Variants in SMYD3 observed in about 807,000 individuals in gnomAD.
SMYD3 encodes SET and MYND domain containing 3, also known as histone-lysine N-methyltransferase SMYD3.
SMYD3 carries 36 observed loss-of-function variants against 57.7 expected under a neutral mutation model. The observed-to-expected ratio is 0.62, with a 90% confidence interval of 0.48 to 0.82. The LOEUF (loss-of-function observed/expected upper bound fraction) is 0.82, where lower values mean the gene tolerates loss of function less well. SMYD3 is among the 40% of genes least tolerant of loss of function. The pLI, the probability that SMYD3 is intolerant of heterozygous loss-of-function variation, is 0.00. For missense variants in SMYD3, 515 were observed against 538.8 expected (o/e 0.96, Z 0.44); for synonymous variants, 211 against 195.0 (o/e 1.08, Z -0.68).
intron 5 of SMYD3, among the ~76,000 whole-genome samples, chr1:246,061,236 A>C (rs1030118897): frequency 2.0e-5 from 3 of 152,108 alleles, no homozygotes; most frequent in Middle Eastern, 3.2e-3. Flanking sequence ...CACACACACA[A>C]AAAAGAAATG....
intron 1 of SMYD3, among the ~76,000 whole-genome samples, chr1:246,479,761 G>C (rs888751472): frequency 2.0e-5 from 3 of 152,052 alleles, no homozygotes; most frequent in Non-Finnish European, 4.4e-5. Context: ...TCCCACCTCA[G>C]CCTCCCAAAA....
intron 10 of SMYD3, among the ~76,000 whole-genome samples, chr1:245,834,605 G>A (rs1266604350): frequency 6.6e-6 from 1 of 152,142 alleles, no homozygotes; most frequent in Admixed American, 6.5e-5. Flanking sequence ...TGAAAATTTA[G>A]GAAGCAAATT....
At chr1:245,797,087 A>C (rs2047556139) in intron 10 of SMYD3, among the ~76,000 whole-genome samples, 1 of 152,210 alleles carries the variant, frequency 6.6e-6, no homozygotes, top group Admixed American at 6.5e-5. Flanking sequence ...TAGTTACTAC[A>C]AGGCACTTTC....
chr1:245,911,498 T>TATATAA (rs1211462941), intron 8 of SMYD3, among the ~76,000 whole-genome samples: 2 of 150,278 alleles, frequency 1.3e-5, no homozygotes, highest in African/African-American at 4.9e-5. Context: ...AAAAATGCCA[T>TATATAA]ATATATATAT....
At chr1:246,047,928 A>T (rs10802323) in intron 5 of SMYD3, among the ~76,000 whole-genome samples, 68,258 of 151,932 alleles carry the variant, frequency 0.45, 16,609 homozygotes, top group East Asian at 0.79. Context: ...GGCATTTTTT[A>T]AAAAAACCTA....
At position 245,774,289 on chromosome 1, in the gene SMYD3, G is replaced by A. The variant is rs145566866; in HGVS notation, c.1077-10140C>T. Among the ~76,000 whole-genome samples, 1,184 of 152,160 alleles carry A rather than the reference G, an allele frequency of 7.8e-3. 25 individuals are homozygous for A. The highest frequency in any genetic ancestry group is 6.9e-3 in the Non-Finnish European group (469 of 68,014). Reference sequence around the variant, plus strand: ...GGTCTAGTAGGAAATCCTTCCTTTCGTTCAACTTATTTGGAATGGTAAGTA... The same window carrying A: ...GGTCTAGTAGGAAATCCTTCCTTTCATTCAACTTATTTGGAATGGTAAGTA... On this transcript the variant is annotated intron_variant, in intron 10 of 11. Coordinates refer to ENST00000490107, the MANE Select transcript of SMYD3 (RefSeq NM_001167740.2).
In SMYD3 at chr1:245,801,319, G is replaced by A. The variant is rs112245213; in HGVS notation, c.1077-37170C>T. ...CGGATTTGACAAGGTGGATTGTTAA[G>A]TGGTTGCAAACTGTTCCCACAAGAC... On this transcript the variant is annotated intron_variant, in intron 10 of 11. Transcript: ENST00000490107. Among the ~76,000 whole-genome samples the A allele has an allele frequency of 1.5e-3, 223 of 152,310 alleles. 1 individual carries two copies. The highest frequency in any genetic ancestry group is 4.8e-3 in the African/African-American group (201 of 41,580).
chr1:246,233,227 A>T (rs1305332520), intron 5 of SMYD3, among the ~76,000 whole-genome samples: 6 of 113,986 alleles, frequency 5.3e-5, no homozygotes, highest in Non-Finnish European at 7.1e-5. Flanking sequence ...ATGAACATAT[A>T]CCACACAGAG....
intron 5 of SMYD3, among the ~76,000 whole-genome samples, chr1:246,283,209 A>G (rs1179155710): frequency 1.3e-5 from 2 of 152,184 alleles, no homozygotes; most frequent in Non-Finnish European, 2.9e-5. Flanking sequence ...CAGTTCTACA[A>G]ATGTAATCTT....
At chr1:246,257,292 G>C (rs971790907) in intron 5 of SMYD3, among the ~76,000 whole-genome samples, 5 of 152,168 alleles carry the variant, frequency 3.3e-5, no homozygotes, top group Non-Finnish European at 5.9e-5. Flanking sequence ...GGTTGTCTAA[G>C]TCTTTTCCTA....
chr1:246,346,722 G>A (rs961519467), intron 2 of SMYD3, among the ~76,000 whole-genome samples: 3 of 152,102 alleles, frequency 2.0e-5, no homozygotes, highest in South Asian at 2.1e-4. Flanking sequence ...TCCCTACCGC[G>A]ACACATGGGG....
chr1:246,384,499 A>T (rs1292733345), intron 1 of SMYD3, among the ~76,000 whole-genome samples: 1 of 151,908 alleles, frequency 6.6e-6, no homozygotes, highest in Non-Finnish European at 1.5e-5. Flanking sequence ...GGATTCAAGC[A>T]ATTCTCCTGC....
chr1:246,079,237 A>G (rs2060597702), intron 5 of SMYD3, among the ~76,000 whole-genome samples: 1 of 152,188 alleles, frequency 6.6e-6, no homozygotes, highest in Non-Finnish European at 1.5e-5. Flanking sequence ...AATGAAGCTG[A>G]TAAAGTCTGA....
chr1:246,238,190 A>C (rs1237737503), intron 5 of SMYD3, among the ~76,000 whole-genome samples: 1 of 151,844 alleles, frequency 6.6e-6, no homozygotes, highest in African/African-American at 2.4e-5. Flanking sequence ...CAGCCTCCTG[A>C]GTAGTTGTTT....
At chr1:246,399,335 T>G (rs938930906) in intron 1 of SMYD3, among the ~76,000 whole-genome samples, 6 of 151,292 alleles carry the variant, frequency 4.0e-5, no homozygotes, top group Non-Finnish European at 8.8e-5. Context: ...CATATTTTAT[T>G]TTTATTTATT....
chr1:246,064,214 C>A (rs1418714284), intron 5 of SMYD3, among the ~76,000 whole-genome samples: 4 of 152,170 alleles, frequency 2.6e-5, no homozygotes, highest in Non-Finnish European at 5.9e-5. Context: ...TCCATCCATT[C>A]TCCACAGGCT....
intron 10 of SMYD3, among the ~76,000 whole-genome samples, chr1:245,824,169 A>G (rs1364968933): frequency 2.6e-5 from 4 of 152,218 alleles, no homozygotes; most frequent in Non-Finnish European, 5.9e-5. Flanking sequence ...AAACAGCGGT[A>G]CCCTGCACAA....
At chr1:246,290,972 T>C (rs1167269421) in intron 5 of SMYD3, among the ~76,000 whole-genome samples, 4 of 152,092 alleles carry the variant, frequency 2.6e-5, no homozygotes, top group African/African-American at 9.7e-5. Context: ...TGCTTTCCCA[T>C]GTTTAAAAAA....
intron 5 of SMYD3, among the ~76,000 whole-genome samples, chr1:246,137,173 T>A (rs533683360): frequency 5.9e-5 from 9 of 152,320 alleles, no homozygotes; most frequent in Non-Finnish European, 1.3e-4. Flanking sequence ...GTTTCTCATA[T>A]ATTTGCAAAA....
Sources: gnomAD v4.1 joint callset for allele counts (sites outside exome capture counted in the v4.1 genomes callset) on GRCh38, gnomAD v4.1.1 for gene constraint, MANE v1.5 for transcripts, NCBI Gene and HGNC (gene_info 2026-07-23, HGNC 2026-07-21) for gene names.